The following ICA1L variants were observed in gnomAD, a reference collection of about 807,000 sequenced individuals.
ICA1L encodes the protein islet cell autoantigen 1 like.
Under a neutral mutation model 61.3 loss-of-function variants are expected in ICA1L, and 50 were observed. The ratio of observed to expected loss-of-function variants is 0.82; its 90% CI spans 0.65 to 1.03. The LOEUF is 1.03. ICA1L is among the 50% of genes least tolerant of loss of function. ICA1L has a pLI of 0.00. For synonymous variants in ICA1L, 161 were observed against 191.3 expected (o/e 0.84, Z 1.31); for missense variants, 508 against 556.7 (o/e 0.91, Z 0.88).
At chr2:202,841,336 G>T in intron 1 of ICA1L, 2 of 791,690 alleles carry the variant, frequency 2.5e-6, no homozygotes, top group Admixed American at 3.4e-5. Context: ...TCCAGCTGCT[G>T]CTTAAGGCTG....
intron 1 of ICA1L, among the ~76,000 whole-genome samples, chr2:202,855,942 C>G (rs577944694): frequency 2.6e-5 from 4 of 151,828 alleles, no homozygotes; most frequent in Non-Finnish European, 4.4e-5. Context: ...GGTGTGGTGG[C>G]GGGTGACTGG....
chr2:202,851,754 A>T (rs976578071), intron 1 of ICA1L, among the ~76,000 whole-genome samples: 6 of 152,166 alleles, frequency 3.9e-5, no homozygotes, highest in African/African-American at 1.4e-4. Flanking sequence ...CATTTCTCTG[A>T]TGGCCAGTGA....
intron 1 of ICA1L, among the ~76,000 whole-genome samples, chr2:202,848,939 A>G (rs920411564): frequency 1.3e-5 from 2 of 152,008 alleles, no homozygotes; most frequent in Admixed American, 1.3e-4. Flanking sequence ...TGAGGTACCC[A>G]GTTCATCTCA....
At chr2:202,817,050 T>C (rs1363920728) in intron 6 of ICA1L, among the ~76,000 whole-genome samples, 1 of 152,190 alleles carries the variant, frequency 6.6e-6, no homozygotes, top group Non-Finnish European at 1.5e-5. Flanking sequence ...GTTTTAAACT[T>C]TTGGGGGCAC....
At chr2:202,798,365 A>C (rs1692995783) in intron 9 of ICA1L, among the ~76,000 whole-genome samples, 1 of 152,118 alleles carries the variant, frequency 6.6e-6, no homozygotes, top group Non-Finnish European at 1.5e-5. Context: ...ACTCATCCCA[A>C]GTAGCTGGGA....
At chr2:202,790,513 G>C (rs1482757820) in intron 10 of ICA1L, among the ~76,000 whole-genome samples, 1 of 152,202 alleles carries the variant, frequency 6.6e-6, no homozygotes, top group Non-Finnish European at 1.5e-5. Context: ...GGTGCAGCCA[G>C]AACACAGGGC....
chr2:202,774,426 C>T lies in ICA1L; in HGVS notation c.*5107G>A, dbSNP rs1692154856. On this transcript the variant is annotated 3_prime_UTR_variant, in exon 13 of 13. Coordinates refer to ENST00000358299, the MANE Select transcript of ICA1L (RefSeq NM_001288622.3). ...AACAGCCAGGGTCGAGCCCCTGGCT[C>T]CCCGTTCGTCCAGGCCAGCTCAAGA... 2 of 767,704 alleles carry T rather than the reference C, an allele frequency of 2.6e-6. No individual in the cohort carries two copies. Among genetic ancestry groups the T allele is most frequent in the East Asian group, 7.5e-5 (2 of 26,546 alleles). 47.6% of individuals were successfully genotyped at this position (767,704 alleles called of 1,614,324 possible). A position where few individuals can be genotyped will look rare whatever the true frequency, so the allele number is the denominator to read the frequency against.
intron 1 of ICA1L, chr2:202,870,865 A>G: frequency 6.6e-6 from 1 of 152,190 alleles, no homozygotes; most frequent in East Asian, 1.9e-4. Context: ...AGCTGCCAGG[A>G]TGGACTCCCC....
At chr2:202,821,502 T>C in intron 3 of ICA1L, 21 bp from the exon 4 acceptor site, 1 of 1,565,020 alleles carries the variant, frequency 6.4e-7, no homozygotes, top group Non-Finnish European at 8.7e-7. Context: ...AATTACAGTG[T>C]AGTTAATTGT....
rs1694543899 is a variant in ICA1L at position 202,849,127 on chromosome 2, G to A, written c.-7-20111C>T. Among the ~76,000 whole-genome samples, 1 of 152,166 alleles carries A rather than the reference G, an allele frequency of 6.6e-6. No homozygotes were observed. The highest frequency in any genetic ancestry group is 2.1e-4 in the South Asian group (1 of 4,826). ...GCTTTTCTCACAGTTTTTGCAATCC[G>A]CAGACCAGAAGATTCCCACATGTGC... is the stretch of plus-strand genomic sequence containing the variant. On this transcript the variant is annotated intron_variant, in intron 1 of 12. Transcript: ENST00000358299. This position sits in a 1 kb window ranked among gnomAD's most constrained non-coding sequence, Gnocchi z 4.5.
At chr2:202,806,735 A>G (rs186084879) in intron 9 of ICA1L, among the ~76,000 whole-genome samples, 22 of 152,280 alleles carry the variant, frequency 1.4e-4, no homozygotes, top group Non-Finnish European at 2.8e-4. Context: ...GAGTTTCTCA[A>G]TATTACCTCT....
chr2:202,830,388 C>T (rs772116483), intron 1 of ICA1L, among the ~76,000 whole-genome samples: 1 of 152,134 alleles, frequency 6.6e-6, no homozygotes, highest in Non-Finnish European at 1.5e-5. Flanking sequence ...AGCCTGACAA[C>T]AGAGCGAGAC....
intron 2 of ICA1L, among the ~76,000 whole-genome samples, chr2:202,828,221 C>T (rs1372557086): frequency 6.6e-6 from 1 of 150,788 alleles, no homozygotes; most frequent in Non-Finnish European, 1.5e-5. Flanking sequence ...CCAAGATCGC[C>T]CCATTGCACT....
intron 1 of ICA1L, chr2:202,844,191 C>T (rs1694407913): frequency 6.6e-6 from 1 of 152,064 alleles, no homozygotes; most frequent in Non-Finnish European, 1.5e-5. Context: ...GCCTCAGCAA[C>T]AAAGTGAGAC....
chr2:202,863,550 C>T (rs916729350), intron 1 of ICA1L, among the ~76,000 whole-genome samples: 4 of 151,984 alleles, frequency 2.6e-5, no homozygotes, highest in Admixed American at 6.5e-5. Context: ...AAAGGCCGGG[C>T]GCGGTGGCTC....
At chr2:202,843,091 A>G (rs562903485) in intron 1 of ICA1L, among the ~76,000 whole-genome samples, 201 of 152,310 alleles carry the variant, frequency 1.3e-3, no homozygotes, top group African/African-American at 4.7e-3. Flanking sequence ...CTAAACTTAA[A>G]GCAATTATTT....
chr2:202,846,714 G>A (rs1425507424), intron 1 of ICA1L, among the ~76,000 whole-genome samples: 2 of 149,570 alleles, frequency 1.3e-5, no homozygotes, highest in African/African-American at 4.9e-5. Context: ...ACACTTGCAA[G>A]CCCTTATCCA....
chr2:202,817,279 C>CT, intron 6 of ICA1L, 139 bp downstream of exon 6: 1 of 691,374 alleles, frequency 1.4e-6, no homozygotes, highest in Non-Finnish European at 2.2e-6. Flanking sequence ...TTTTGACTCT[C>CT]TGACTTTCAT....
At chr2:202,843,623 A>G (rs1694387403) in intron 1 of ICA1L, among the ~76,000 whole-genome samples, 1 of 152,224 alleles carries the variant, frequency 6.6e-6, no homozygotes, top group Admixed American at 6.5e-5. Flanking sequence ...GTTCCCAGGT[A>G]GTAATGGCAT....
Sources: gnomAD v4.1 joint callset for allele counts (sites outside exome capture counted in the v4.1 genomes callset) on GRCh38, gnomAD v4.1.1 for gene constraint, Gnocchi (gnomAD v3.1) non-coding constraint, MANE v1.5 for transcripts, NCBI Gene and HGNC (gene_info 2026-07-23, HGNC 2026-07-21) for gene names.